OSBPL2: variants seen among roughly 807,000 people sequenced by gnomAD.
OSBPL2 encodes oxysterol binding protein like 2, also known as oxysterol-binding protein-related protein 2.
Under a neutral mutation model 58.4 loss-of-function variants are expected in OSBPL2, and 18 were observed. That is an observed-to-expected ratio of 0.31 (90% confidence interval 0.21 to 0.46). OSBPL2 has a LOEUF of 0.46. Ranked by LOEUF, OSBPL2 falls within the 20% of genes least tolerant of loss-of-function variation. The probability of loss-of-function intolerance (pLI) is 1.00; values close to 1 mark genes in which losing one functional copy is unlikely to be tolerated. For synonymous variants in OSBPL2, 221 were observed against 234.1 expected, an observed-to-expected ratio of 0.94 and a Z score of 0.51; for missense variants, 461 against 616.5, an observed-to-expected ratio of 0.75 and a Z score of 2.67.
rs759228205 is a variant in OSBPL2, at chr20:62,272,270, G to T, written c.393+11G>T. 12 of 1,612,070 alleles carry T rather than the reference G, an allele frequency of 7.4e-6. 2 individuals are homozygous for T. The highest frequency in any genetic ancestry group is 6.7e-5 in the Admixed American group (4 of 59,954). On this transcript the variant is annotated intron_variant, in intron 5 of 13. Coordinates refer to ENST00000313733, the MANE Select transcript of OSBPL2 (RefSeq NM_144498.4). ...CTGGAGAGGATGCAGGTGGGCCTTA[G>T]GGGTGCCAGGCAGGAGTTTGTCATG...
intron 7 of OSBPL2, among the ~76,000 whole-genome samples, chr20:62,280,593 T>C (rs572192489): frequency 1.2e-4 from 19 of 152,286 alleles, no homozygotes; most frequent in Admixed American, 7.8e-4. Flanking sequence ...GTGGGGTGTT[T>C]TCTTCTTGGG....
At chr20:62,242,275 C>T (rs1186521270) in intron 1 of OSBPL2, 1 of 152,230 alleles carries the variant, frequency 6.6e-6, no homozygotes, top group Admixed American at 6.5e-5. Context: ...TAGCTCACAG[C>T]ACTGTTTGCG....
chr20:62,282,710 C>G (rs1982870031), intron 9 of OSBPL2, among the ~76,000 whole-genome samples: 1 of 152,088 alleles, frequency 6.6e-6, no homozygotes, highest in African/African-American at 2.4e-5. Flanking sequence ...ATCTGTAATC[C>G]CAGCTACTCA....
intron 1 of OSBPL2, among the ~76,000 whole-genome samples, chr20:62,242,928 G>A (rs574176734): frequency 6.6e-6 from 1 of 152,300 alleles, no homozygotes; most frequent in African/African-American, 2.4e-5. Flanking sequence ...AAAAGACGGA[G>A]GCAGCTGTAG....
intron 12 of OSBPL2, 94 bp downstream of exon 12, chr20:62,289,424 C>G: frequency 6.9e-7 from 1 of 1,449,418 alleles, no homozygotes; most frequent in South Asian, 1.3e-5. Flanking sequence ...AAGCCAGGCT[C>G]TCGCCTACAA....
chr20:62,284,802 C>G (rs899375001), intron 10 of OSBPL2: 1 of 152,218 alleles, frequency 6.6e-6, no homozygotes. Flanking sequence ...CAGGCAAGGC[C>G]GTTTCTTTTC....
chr20:62,289,233 G>A lies in OSBPL2; in HGVS notation c.1152G>A (p.Val384=). The A allele has an allele frequency of 6.2e-7, 1 of 1,613,836 alleles. No homozygotes were observed. Among genetic ancestry groups the A allele is most frequent in the Non-Finnish European group, 8.5e-7 (1 of 1,179,870 alleles). ...AQMYNFTSFT[V]SLNELETGME... ...TGTATAATTTCACCAGTTTCACTGT[G>A]AGCCTCAACGAGCTGGAGACAGGCA... is the stretch of plus-strand genomic sequence containing the variant. The change falls in exon 12 of 14, where the codon GTG becomes GTA. Residue 384 remains valine, a synonymous_variant. Transcript: ENST00000313733.
intron 3 of OSBPL2, among the ~76,000 whole-genome samples, chr20:62,261,811 G>T (rs1427843713): frequency 6.6e-6 from 1 of 152,160 alleles, no homozygotes; most frequent in African/African-American, 2.4e-5. Flanking sequence ...TGTCGCCCAG[G>T]CTGGAGTTCA....
Position 62,278,501 on chromosome 20 carries a change from CATGTTTAT to C in OSBPL2, c.492-655_492-648del, listed in dbSNP as rs1409980425. ...GCCAACATTAGGCCAAGTGCGATGT[CATGTTTAT>C]GTGTGTGTTGCCAACGTTAGGCCGA... is the stretch of plus-strand genomic sequence containing the variant. On this transcript the variant is annotated intron_variant, in intron 6 of 13. Coordinates refer to ENST00000313733, the MANE Select transcript of OSBPL2 (RefSeq NM_144498.4). 5.7e-3 allele frequency: 745 copies of C among 131,560 alleles called. 4 individuals carry two copies. Among genetic ancestry groups the C allele is most frequent in the Middle Eastern group, 0.011 (2 of 174 alleles). 8.1% of individuals were successfully genotyped at this position (131,560 alleles called of 1,614,324 possible).
chr20:62,293,791 C>T lies in OSBPL2; in HGVS notation c.1347C>T (p.Phe449=), dbSNP rs767486320. ...CCTCCCTTGTATCCGGCAGGTGGTT[C>T]TACCCAGGCAATAACCCCTACACTG... The part of the protein sequence containing the change: ...KEEAEWQTRW[F]YPGNNPYTGT... The change falls in exon 14 of 14, where the codon TTC becomes TTT. Residue 449 remains phenylalanine, a synonymous_variant. Coordinates refer to ENST00000313733, the MANE Select transcript of OSBPL2 (RefSeq NM_144498.4). 3 of 1,613,764 alleles carry T rather than the reference C, an allele frequency of 1.9e-6. No homozygotes were observed. The highest frequency in any genetic ancestry group is 2.2e-5 in the South Asian group (2 of 91,030).
intron 6 of OSBPL2, among the ~76,000 whole-genome samples, chr20:62,277,547 G>A (rs765454380): frequency 3.8e-4 from 58 of 152,250 alleles, no homozygotes; most frequent in Admixed American, 6.5e-4. Flanking sequence ...CAGTCTGTCA[G>A]GTTAGGGGCC....
Position 62,280,014 on chromosome 20 carries a change from A to G in OSBPL2, c.674+675A>G, listed in dbSNP as rs1196700623. On this transcript the variant is annotated intron_variant, in intron 7 of 13. Transcript: ENST00000313733. ...CTAAATGCTCCCCAATCCAGTGTCAACCAAAGACACCTCAGAGCAAAACAC... is the reference window on the plus strand; with the variant it reads ...CTAAATGCTCCCCAATCCAGTGTCAGCCAAAGACACCTCAGAGCAAAACAC... 4.6e-6 allele frequency: 6 copies of G among 1,304,132 alleles called. 1 individual carries two copies. Among genetic ancestry groups the G allele is most frequent in the South Asian group, 3.7e-5 (3 of 81,034 alleles). 80.8% of individuals were successfully genotyped at this position (1,304,132 alleles called of 1,614,324 possible).
At chr20:62,248,647 C>T (rs531246326) in intron 1 of OSBPL2, among the ~76,000 whole-genome samples, 134 of 152,062 alleles carry the variant, frequency 8.8e-4, no homozygotes, top group Middle Eastern at 3.4e-3. Flanking sequence ...GTCTCGTTCA[C>T]CAACTTCCTG....
chr20:62,266,008 G>T (rs1023080595), intron 4 of OSBPL2, among the ~76,000 whole-genome samples: 3 of 152,162 alleles, frequency 2.0e-5, no homozygotes, highest in Non-Finnish European at 2.9e-5. Flanking sequence ...CTGTCATCCA[G>T]TTACTGGGGA....
intron 11 of OSBPL2, among the ~76,000 whole-genome samples, chr20:62,287,222 CAAATA>C (rs1201885975): frequency 1.3e-5 from 2 of 151,734 alleles, no homozygotes; most frequent in East Asian, 1.9e-4. Context: ...TGTTTTATGA[CAAATA>C]AAATATGTGA....
At chr20:62,244,859 T>A (rs1462646592) in intron 1 of OSBPL2, among the ~76,000 whole-genome samples, 3 of 152,190 alleles carry the variant, frequency 2.0e-5, no homozygotes, top group Non-Finnish European at 1.5e-5. Flanking sequence ...CCTCTCAAGG[T>A]CACCCTCTTG....
At chr20:62,257,050 G>T (rs1449815647) in intron 2 of OSBPL2, among the ~76,000 whole-genome samples, 1 of 152,252 alleles carries the variant, frequency 6.6e-6, no homozygotes, top group African/African-American at 2.4e-5. Context: ...AGTGGCTTTG[G>T]AAATGTGGCC....
chr20:62,274,527 G>A (rs898328735), intron 6 of OSBPL2, among the ~76,000 whole-genome samples: 1 of 152,342 alleles, frequency 6.6e-6, no homozygotes, highest in East Asian at 1.9e-4. Context: ...TCTGTGACAG[G>A]GCTAAGCTGT....
At chr20:62,249,997 C>G (rs1568826559) in intron 1 of OSBPL2, among the ~76,000 whole-genome samples, 1 of 152,240 alleles carries the variant, frequency 6.6e-6, no homozygotes, top group Non-Finnish European at 1.5e-5. Flanking sequence ...CACCCTGGTC[C>G]TCCTGTCTTT....
Sources: allele counts gnomAD v4.1 joint callset (sites outside exome capture counted in the v4.1 genomes callset), GRCh38; gene constraint gnomAD v4.1.1; transcripts MANE v1.5; gene names NCBI Gene and HGNC (gene_info 2026-07-23, HGNC 2026-07-21).